The following PTPRS variants were observed in gnomAD, a reference collection of about 807,000 sequenced individuals.
PTPRS encodes the protein receptor-type tyrosine-protein phosphatase S.
PTPRS carries 63 observed loss-of-function variants against 215.3 expected under a neutral mutation model. That is an observed-to-expected ratio of 0.29 (90% CI 0.24 to 0.36). The LOEUF (loss-of-function observed/expected upper bound fraction) is 0.36, where lower values mean the gene tolerates loss of function less well. PTPRS is among the 10% of genes least tolerant of loss of function. The pLI, the probability that PTPRS is intolerant of heterozygous loss-of-function variation, is 1.00. For missense variants in PTPRS, 2,258 were observed against 2,825.8 expected (o/e 0.80, Z 4.56); for synonymous variants, 1,404 against 1,191.4 (o/e 1.18, Z -3.68).
At chr19:5,331,127 T>TAAAAAAAAAAAAA (rs1568622692) in intron 1 of PTPRS, among the ~76,000 whole-genome samples, 7 of 80,698 alleles carry the variant, frequency 8.7e-5, no homozygotes, top group African/African-American at 3.3e-4. Flanking sequence ...GCTTCTTTTT[T>TAAAAAAAAAAAAA]TAAAAAAAAA....
intron 1 of PTPRS, among the ~76,000 whole-genome samples, chr19:5,318,171 C>CAA (rs771681956): frequency 7.8e-6 from 1 of 128,168 alleles, no homozygotes; most frequent in Non-Finnish European, 1.7e-5. Flanking sequence ...ACTCCGTCTC[C>CAA]AAAAAAAAAA....
chr19:5,265,679 G>A (rs1008299430), intron 4 of PTPRS, among the ~76,000 whole-genome samples: 1 of 151,930 alleles, frequency 6.6e-6, no homozygotes, highest in Admixed American at 6.6e-5. Flanking sequence ...CTGGTGTCAG[G>A]GAGCTGAGCC....
chr19:5,245,805 A>G lies in PTPRS; in HGVS notation c.959T>C (p.Ile320Thr). ...CACCGTGATCTGAGCAACCGCCTCA[A>G]TGACGCCCAGGCTGGACATGGCCAC... is the stretch of plus-strand genomic sequence containing the variant. Reference protein sequence around the residue: ...TCVAMSSLGVIEAVAQITVKS... With the variant: ...TCVAMSSLGVTEAVAQITVKS... The change falls in exon 10 of 38, where the codon ATT becomes ACT. Residue 320 changes from isoleucine (I) to threonine (T), a missense_variant. Physicochemically the swap from Ile to Thr is moderately conservative, Grantham distance 89. This residue lies in a region of PTPRS where 508 missense variants were observed against 799.4 expected (regional missense o/e 0.64). Transcript: ENST00000262963. 1.9e-6 allele frequency: 3 copies of G among 1,609,902 alleles called. No individual in the cohort carries two copies. Among genetic ancestry groups the G allele is most frequent in the Non-Finnish European group, 2.5e-6 (3 of 1,177,932 alleles).
rs7249562 is a variant in PTPRS, at chr19:5,237,182, G to A, written c.1849+1737C>T. Reference sequence around the variant, plus strand: ...CTGCTCCAGCCCCCAGCGTGCGCACGCTGAGGTTCCAGGCTGGAGGCAGGA... The same window carrying A: ...CTGCTCCAGCCCCCAGCGTGCGCACACTGAGGTTCCAGGCTGGAGGCAGGA... On this transcript the variant is annotated intron_variant, in intron 13 of 37. Transcript: ENST00000262963. The surrounding 1 kb of genome is among the most constrained non-coding windows in gnomAD (Gnocchi z 4.2). 0.013 allele frequency among the ~76,000 whole-genome samples: 1,914 copies of A among 152,270 alleles called. 33 individuals carry two copies. Among genetic ancestry groups the A allele is most frequent in the African/African-American group, 0.043 (1,786 of 41,566 alleles).
intron 4 of PTPRS, among the ~76,000 whole-genome samples, chr19:5,266,462 A>AT (rs1433207735): frequency 3.3e-5 from 5 of 151,118 alleles, no homozygotes; most frequent in South Asian, 2.1e-4. Flanking sequence ...TTATTTATTT[A>AT]TTTTTTTTGA....
intron 28 of PTPRS, 133 bp downstream of exon 28, chr19:5,215,156 C>T: frequency 1.7e-6 from 2 of 1,172,292 alleles, no homozygotes; most frequent in Non-Finnish European, 2.4e-6. Flanking sequence ...TAAAGATGCC[C>T]AGTGGCCTCC....
intron 1 of PTPRS, among the ~76,000 whole-genome samples, chr19:5,335,153 G>A (rs965024285): frequency 1.3e-5 from 2 of 152,170 alleles, no homozygotes; most frequent in Non-Finnish European, 2.9e-5. Context: ...TCATCCGAGG[G>A]TCCCAGGCTT....
chr19:5,292,030 C>A (rs1179397760), intron 1 of PTPRS, among the ~76,000 whole-genome samples: 1 of 152,134 alleles, frequency 6.6e-6, no homozygotes, highest in East Asian at 1.9e-4. Context: ...CAGGGCTCAG[C>A]TGAGCTGTCA....
chr19:5,237,696 T>G lies in PTPRS; in HGVS notation c.1849+1223A>C, dbSNP rs1274215710. Among the ~76,000 whole-genome samples the G allele has an allele frequency of 6.6e-6, 1 of 152,064 alleles. No individual in the cohort carries two copies. The highest frequency in any genetic ancestry group is 1.5e-5 in the Non-Finnish European group (1 of 68,004). On this transcript the variant is annotated intron_variant, in intron 13 of 37. Transcript: ENST00000262963. This position sits in a 1 kb window ranked among gnomAD's most constrained non-coding sequence, Gnocchi z 4.2. ...TGCTTGAGACCAGCGTGTACTCACC[T>G]TCAGGACACCTCAGCCAGTCTCTCA... is the stretch of plus-strand genomic sequence containing the variant.
At chr19:5,284,372 A>T (rs2146840402) in intron 2 of PTPRS, among the ~76,000 whole-genome samples, 1 of 137,246 alleles carries the variant, frequency 7.3e-6, no homozygotes, top group East Asian at 2.0e-4. Flanking sequence ...AAAATTAATT[A>T]ATTAAAATAA....
In PTPRS at chr19:5,219,480, G is replaced by A. The variant is rs1266391594; in HGVS notation, c.3766-13C>T. 6.4e-7 allele frequency: 1 copy of A among 1,555,276 alleles called. No individual in the cohort carries two copies. The highest frequency in any genetic ancestry group is 1.2e-5 in the South Asian group (1 of 81,712). On this transcript the variant is annotated splice_polypyrimidine_tract_variant and intron_variant, in intron 22 of 37. Coordinates refer to ENST00000262963, the MANE Select transcript of PTPRS (RefSeq NM_002850.4). ...TGGCTGCAAAGGTCTGCAGGGAAAG[G>A]AGGGGGGTCTCCATCAGTGTCCACC...
intron 9 of PTPRS, among the ~76,000 whole-genome samples, chr19:5,255,177 G>A (rs2045453385): frequency 6.6e-6 from 1 of 152,226 alleles, no homozygotes. Context: ...AGGGAGCTGA[G>A]TTACTACCTC....
intron 1 of PTPRS, among the ~76,000 whole-genome samples, chr19:5,312,689 AT>A (rs2049745195): frequency 6.6e-6 from 1 of 152,076 alleles, no homozygotes; most frequent in Non-Finnish European, 1.5e-5. Context: ...AAATAAAATA[AT>A]AGCAATAGTA....
At position 5,208,729 on chromosome 19, in the gene PTPRS, C is replaced by T. The variant is rs1328378076; in HGVS notation, c.5488-338G>A. On this transcript the variant is annotated intron_variant, in intron 35 of 37. Coordinates refer to ENST00000262963, the MANE Select transcript of PTPRS (RefSeq NM_002850.4). ...TTCACAATCCAATGGTACTGCTTTC[C>T]ATAAGAGATGCTCCAACCTCATCCT... Among the ~76,000 whole-genome samples the T allele has an allele frequency of 3.3e-5, 5 of 152,086 alleles. No homozygotes were observed. In the East Asian group the frequency reaches 7.7e-4, roughly 23 times the overall value.
At position 5,225,892 on chromosome 19, in the gene PTPRS, C is replaced by T. The variant is rs560575996; in HGVS notation, c.2377-48G>A. ...GCACGACGGCTGGGGCTGGGAGCAG[C>T]CCCACCCACCCCCACTCCCCGTGCT... On this transcript the variant is annotated intron_variant, in intron 16 of 37. Transcript: ENST00000262963. 261 of 1,418,076 alleles carry T rather than the reference C, an allele frequency of 1.8e-4. 7 individuals carry two copies. The South Asian group carries it at 2.9e-3, about 16-fold the overall frequency. The allele number at this position is 1,418,076 out of a possible 1,614,324, so 87.8% of individuals were successfully genotyped here. A position where few individuals can be genotyped will look rare whatever the true frequency, so the allele number is the denominator to read the frequency against.
At chr19:5,260,950 C>T (rs368571377) in intron 6 of PTPRS, 128 bp from the exon 7 acceptor site, 3 of 1,145,498 alleles carry the variant, frequency 2.6e-6, no homozygotes, top group South Asian at 2.7e-5. Flanking sequence ...GGGGATCGAG[C>T]CAGCCCTGGG....
At chr19:5,233,945 C>CAAA (rs2043215338) in intron 13 of PTPRS, among the ~76,000 whole-genome samples, 1 of 7,598 alleles carries the variant, frequency 1.3e-4, no homozygotes, top group African/African-American at 3.0e-4. Flanking sequence ...GACTCCATCT[C>CAAA]CAAAAAAAAA....
rs772748987 is a variant in PTPRS, at chr19:5,225,797, C to T, written c.2424G>A (p.Thr808=). ...CGCCCTTCATGGTGTAGGCGGCTAC[C>T]GTGATGGAGTACGCGGTCTCAGGCT... ...NLQPETAYSI[T]VAAYTMKGDG... Residue 808 remains threonine, a synonymous_variant, in exon 17 of 38, where the codon ACG becomes ACA. Transcript: ENST00000262963. 12 of 1,613,940 alleles carry T rather than the reference C, an allele frequency of 7.4e-6. No individual in the cohort carries two copies. The highest frequency in any genetic ancestry group is 6.6e-5 in the South Asian group (6 of 91,094).
chr19:5,227,438 G>C (rs1317872679), intron 16 of PTPRS, among the ~76,000 whole-genome samples: 4 of 143,368 alleles, frequency 2.8e-5, no homozygotes, highest in African/African-American at 1.0e-4. Flanking sequence ...TTTGGACATA[G>C]AGTTTCGCTC....
Sources: allele counts gnomAD v4.1 joint callset (sites outside exome capture counted in the v4.1 genomes callset), GRCh38; gene constraint gnomAD v4.1.1; regional missense constraint gnomAD v4.1.1; non-coding constraint Gnocchi (gnomAD v3.1); transcripts MANE v1.5; gene names NCBI Gene and HGNC (gene_info 2026-07-23, HGNC 2026-07-21).